The following ABCF1 variants were observed in gnomAD, a reference collection of about 807,000 sequenced individuals.
The protein encoded by ABCF1 is ATP binding cassette subfamily F member 1, also known as ATP-binding cassette sub-family F member 1.
A neutral mutation model predicts 126.3 loss-of-function variants in ABCF1; 73 were observed. The observed-to-expected ratio is 0.58, with a 90% confidence interval of 0.48 to 0.70. The LOEUF (loss-of-function observed/expected upper bound fraction) is 0.70, where lower values mean the gene tolerates loss of function less well. ABCF1 is among the 30% of genes least tolerant of loss of function. ABCF1 has a pLI of 0.00. For missense variants in ABCF1, 786 were observed against 1,057.5 expected (o/e 0.74, Z 3.56); for synonymous variants, 345 against 396.4 (o/e 0.87, Z 1.54).
rs372043818 is a variant in ABCF1 at position 30,581,702 on chromosome 6, C to T, written c.679-692C>T. Among the ~76,000 whole-genome samples the T allele has an allele frequency of 3.5e-4, 53 of 152,162 alleles. 1 individual carries two copies. In the South Asian group the frequency reaches 6.4e-3, roughly 19 times the overall value. On this transcript the variant is annotated intron_variant, in intron 8 of 24. Coordinates refer to ENST00000326195, the MANE Select transcript of ABCF1 (RefSeq NM_001025091.2). Reference sequence around the variant, plus strand: ...ACAGACATGAGCCACCGTGCCCGGACGGCTACCTGATCTTTTCTTTGCATG... The same window carrying T: ...ACAGACATGAGCCACCGTGCCCGGATGGCTACCTGATCTTTTCTTTGCATG...
rs764067244 is a variant in ABCF1 at position 30,578,546 on chromosome 6, C to G, written c.458C>G (p.Pro153Arg). 2.5e-6 allele frequency: 4 copies of G among 1,613,686 alleles called. No individual in the cohort carries two copies. In the Admixed American group the frequency reaches 5.0e-5, roughly 20 times the overall value. Residue 153 changes from proline (P) to arginine (R), a missense_variant, in exon 6 of 25, where the codon CCT becomes CGT. Physicochemically the swap from Pro to Arg is moderately radical, Grantham distance 103. Coordinates refer to ENST00000326195, the MANE Select transcript of ABCF1 (RefSeq NM_001025091.2). ...GAGGAAGAAAAACATCCTCCTAAGC[C>G]TGCCAAGCCGGAGAAGAATCGGATC... The part of the protein sequence containing the change: ...EEEEEKHPPK[P>R]AKPEKNRINK...
chr6:30,578,076 C>G lies in ABCF1; in HGVS notation c.217C>G (p.Gln73Glu), dbSNP rs1248916248. The G allele has an allele frequency of 1.4e-6, 2 of 1,436,352 alleles. No homozygotes were observed. Among genetic ancestry groups the G allele is most frequent in the Admixed American group, 3.9e-5 (2 of 51,450 alleles). 89.0% of individuals were successfully genotyped at this position (1,436,352 alleles called of 1,614,324 possible). ...CTCACTGTTCTTTTGCTCTCAGCAG[C>G]AAAAAAAAAAGCGAGATACCCGAAA... ...EQQQQQQQQQ[Q>E]KKKRDTRKGR... The change falls in exon 4 of 25, where the codon CAA becomes GAA. Residue 73 changes from glutamine to glutamate, a missense_variant and splice_region_variant. Transcript: ENST00000326195.
intron 9 of ABCF1, 80 bp from the exon 10 acceptor site, chr6:30,582,986 C>A: frequency 6.5e-7 from 1 of 1,540,814 alleles, no homozygotes; most frequent in Non-Finnish European, 8.8e-7. Context: ...AGCCAGCATG[C>A]CCAGCCAGCA....
In ABCF1 at chr6:30,589,842, C is replaced by T. The variant is rs1181082534; in HGVS notation, c.2101C>T (p.Leu701=). 3 of 1,614,080 alleles carry T rather than the reference C, an allele frequency of 1.9e-6. No individual in the cohort carries two copies. The highest frequency in any genetic ancestry group is 1.7e-5 in the Admixed American group (1 of 60,008). ...GFFNQQYAEQ[L]RMEETPTEYL... ...CTTCAACCAGCAGTATGCAGAGCAG[C>T]TGCGCATGGAGGAGACGCCCACTGA... The change falls in exon 22 of 25, where the codon CTG becomes TTG. Residue 701 remains leucine (L), a synonymous_variant. Coordinates refer to ENST00000326195, the MANE Select transcript of ABCF1 (RefSeq NM_001025091.2).
intron 1 of ABCF1, among the ~76,000 whole-genome samples, chr6:30,575,025 G>A (rs1000225697): frequency 1.3e-5 from 2 of 151,204 alleles, no homozygotes; most frequent in African/African-American, 4.9e-5. Flanking sequence ...ATTCTAGTCT[G>A]AGAATATTTT....
At chr6:30,582,306 T>G in intron 8 of ABCF1, 88 bp from the exon 9 acceptor site, 1 of 763,924 alleles carries the variant, frequency 1.3e-6, no homozygotes, top group Non-Finnish European at 2.2e-6. Context: ...TCTGCCCGCT[T>G]TGGCTTCCCA....
At position 30,574,178 on chromosome 6, in the gene ABCF1, C is replaced by T. The variant is rs1801385529; in HGVS notation, c.73+2618C>T. On this transcript the variant is annotated intron_variant, in intron 1 of 24. Transcript: ENST00000326195. This position sits in a 1 kb window ranked among gnomAD's most constrained non-coding sequence, Gnocchi z 4.3. ...TTTTTTTTTGTGACGGAGCCTCACT[C>T]CAGGCTGGAGTGCAGTGGCGCGATC... Among the ~76,000 whole-genome samples, 1 of 151,356 alleles carries T rather than the reference C, an allele frequency of 6.6e-6. No homozygotes were observed. Among genetic ancestry groups the T allele is most frequent in the Admixed American group, 6.6e-5 (1 of 15,218 alleles).
In ABCF1 at chr6:30,584,104, C is replaced by G. The variant is rs985291387; in HGVS notation, c.1103-88C>G. ...ACAAGTACAAAGAGCTGGGCAGGGT[C>G]AGGCAAAACAGAAATGTAATTGAAG... On this transcript the variant is annotated intron_variant, in intron 12 of 24. Coordinates refer to ENST00000326195, the MANE Select transcript of ABCF1 (RefSeq NM_001025091.2). The surrounding 1 kb of genome is among the most constrained non-coding windows in gnomAD (Gnocchi z 4.6). 2.0e-6 allele frequency: 3 copies of G among 1,536,104 alleles called. No homozygotes were observed. In the African/African-American group the frequency reaches 4.1e-5, roughly 21 times the overall value.
At chr6:30,580,632 T>G in intron 8 of ABCF1, 113 bp downstream of exon 8, 1 of 680,236 alleles carries the variant, frequency 1.5e-6, no homozygotes, top group South Asian at 3.6e-5. Flanking sequence ...CTTTATTCTT[T>G]TCTTTTTTTG....
Position 30,577,349 on chromosome 6 carries a change from G to A in ABCF1, c.74-60G>A. 5 of 1,530,304 alleles carry A rather than the reference G, an allele frequency of 3.3e-6. No individual in the cohort carries two copies. In the Admixed American group the frequency reaches 5.2e-5, roughly 16 times the overall value. 94.8% of individuals were successfully genotyped at this position (1,530,304 alleles called of 1,614,324 possible). A position where few individuals can be genotyped will look rare whatever the true frequency, so the allele number is the denominator to read the frequency against. The stretch of plus-strand genomic sequence containing the variant: ...AGAGGCTACAGAGATCTTTGCAGGG[G>A]GGATCAGACTGCTTTGGAATTTGCA... On this transcript the variant is annotated intron_variant, in intron 1 of 24. Coordinates refer to ENST00000326195, the MANE Select transcript of ABCF1 (RefSeq NM_001025091.2).
Position 30,584,491 on chromosome 6 carries a change from G to T in ABCF1, c.1316G>T (p.Gly439Val). 6.2e-7 allele frequency: 1 copy of T among 1,613,036 alleles called. No individual in the cohort carries two copies. The highest frequency in any genetic ancestry group is 8.5e-7 in the Non-Finnish European group (1 of 1,180,026). Residue 439 changes from glycine (G) to valine (V), a missense_variant, in exon 14 of 25, where the codon GGC becomes GTC. Physicochemically the swap from Gly to Val is moderately radical, Grantham distance 109 (BLOSUM62 -3). Transcript: ENST00000326195. This position sits in a 1 kb window ranked among gnomAD's most constrained non-coding sequence, Gnocchi z 4.6. ...GCACGGCGGATCCTGGCTGGCCTGGGCTTTGACCCTGAAATGCAGAATCGA... is the reference window on the plus strand; with the variant it reads ...GCACGGCGGATCCTGGCTGGCCTGGTCTTTGACCCTGAAATGCAGAATCGA... ...AKARRILAGL[G>V]FDPEMQNRPT... is the part of the protein sequence containing the mutation.
rs763931956 is a variant in ABCF1 at position 30,583,851 on chromosome 6, A to G, written c.1063A>G (p.Ser355Gly). 3 of 1,614,140 alleles carry G rather than the reference A, an allele frequency of 1.9e-6. No homozygotes were observed. Among genetic ancestry groups the G allele is most frequent in the Non-Finnish European group, 8.5e-7 (1 of 1,180,034 alleles). Residue 355 changes from serine to glycine, a missense_variant, in exon 12 of 25, where the codon AGC becomes GGC. Coordinates refer to ENST00000326195, the MANE Select transcript of ABCF1 (RefSeq NM_001025091.2). The surrounding 1 kb of genome is among the most constrained non-coding windows in gnomAD (Gnocchi z 4.1). The stretch of plus-strand genomic sequence containing the variant: ...CAAGCACATTGCCAACCGAGCCCTG[A>G]GCATCCCTCCCAACATTGATGTGTT... Reference protein sequence around the residue: ...LLKHIANRALSIPPNIDVLLC... With the variant: ...LLKHIANRALGIPPNIDVLLC...
intron 1 of ABCF1, among the ~76,000 whole-genome samples, chr6:30,572,699 C>G (rs1801314729): frequency 6.6e-6 from 1 of 152,142 alleles, no homozygotes; most frequent in Admixed American, 6.6e-5. Flanking sequence ...CAAGATCTGG[C>G]TATGTTGCCT....
In ABCF1 at chr6:30,584,706, T is replaced by C; in HGVS notation, c.1391+140T>C. ...TCCTTACTATCTGTGTTGTGAGAAC[T>C]TAGGGTCTTTCTCTATTTATCTCCC... On this transcript the variant is annotated intron_variant, in intron 14 of 24. Transcript: ENST00000326195. This position sits in a 1 kb window ranked among gnomAD's most constrained non-coding sequence, Gnocchi z 4.6. The C allele has an allele frequency of 8.2e-7, 1 of 1,223,296 alleles. No homozygotes were observed. The highest frequency in any genetic ancestry group is 1.1e-6 in the Non-Finnish European group (1 of 899,524). 75.8% of individuals were successfully genotyped at this position (1,223,296 alleles called of 1,614,324 possible). A position where few individuals can be genotyped will look rare whatever the true frequency, so the allele number is the denominator to read the frequency against.
intron 3 of ABCF1, 75 bp from the exon 4 acceptor site, chr6:30,578,000 TG>T: frequency 6.2e-7 from 1 of 1,613,620 alleles, no homozygotes; most frequent in Non-Finnish European, 8.5e-7. Context: ...ATTCAGCTGA[TG>T]GGGAACCCTC....
chr6:30,580,370 AAAAAC>A, intron 7 of ABCF1, 31 bp from the exon 8 acceptor site: 3 of 1,389,548 alleles, frequency 2.2e-6, no homozygotes, highest in Non-Finnish European at 1.9e-6. Flanking sequence ...GAAAAAAAAA[AAAAAC>A]ATTTCATCAG....
intron 1 of ABCF1, among the ~76,000 whole-genome samples, chr6:30,575,179 C>G (rs1283336488): frequency 6.6e-6 from 1 of 150,658 alleles, no homozygotes; most frequent in Non-Finnish European, 1.5e-5. Flanking sequence ...AAGCGATTCT[C>G]CTGCCTCAGC....
At position 30,583,865 on chromosome 6, in the gene ABCF1, C is replaced by T. The variant is rs756698799; in HGVS notation, c.1077C>T (p.Asn359=). 1 of 1,614,084 alleles carries T rather than the reference C, an allele frequency of 6.2e-7. No individual in the cohort carries two copies. Among genetic ancestry groups the T allele is most frequent in the South Asian group, 1.1e-5 (1 of 91,076 alleles). The change falls in exon 12 of 25, where the codon AAC becomes AAT. Residue 359 remains asparagine (N), a synonymous_variant. Coordinates refer to ENST00000326195, the MANE Select transcript of ABCF1 (RefSeq NM_001025091.2). The surrounding 1 kb of genome is among the most constrained non-coding windows in gnomAD (Gnocchi z 4.1). ...ACCGAGCCCTGAGCATCCCTCCCAA[C>T]ATTGATGTGTTGCTGTGTGAGCAGG... ...IANRALSIPP[N]IDVLLCEQEV... is the part of the protein sequence containing the mutation.
chr6:30,585,862 C>A lies in ABCF1; in HGVS notation c.1601-17C>A. 1 of 1,589,040 alleles carries A rather than the reference C, an allele frequency of 6.3e-7. No homozygotes were observed. The highest frequency in any genetic ancestry group is 8.6e-7 in the Non-Finnish European group (1 of 1,166,236). On this transcript the variant is annotated splice_polypyrimidine_tract_variant and intron_variant, in intron 16 of 24. Coordinates refer to ENST00000326195, the MANE Select transcript of ABCF1 (RefSeq NM_001025091.2). Reference sequence around the variant, plus strand: ...AGAGGAGCAACCACTGATGCCTGGTCCCCTCTTCTGCCCCAGTGACCTTCA... The same window carrying A: ...AGAGGAGCAACCACTGATGCCTGGTACCCTCTTCTGCCCCAGTGACCTTCA...
Sources: gnomAD v4.1 joint callset for allele counts (sites outside exome capture counted in the v4.1 genomes callset) on GRCh38, gnomAD v4.1.1 for gene constraint, Gnocchi (gnomAD v3.1) non-coding constraint, MANE v1.5 for transcripts, NCBI Gene and HGNC (gene_info 2026-07-23, HGNC 2026-07-21) for gene names.